The following TFDP1 variants were observed in gnomAD, a reference collection of about 807,000 sequenced individuals.
TFDP1 encodes DRTF1-polypeptide 1.
In TFDP1, 6 loss-of-function variants were observed where a neutral mutation model predicts 48.0. The ratio of observed to expected loss-of-function variants is 0.13; its 90% CI spans 0.07 to 0.25. The LOEUF (loss-of-function observed/expected upper bound fraction) is 0.25. Among genes scored for constraint, TFDP1 ranks in the 10% least tolerant of loss-of-function variants. The pLI is 1.00. For synonymous variants in TFDP1, 201 were observed against 211.6 expected, an observed-to-expected ratio of 0.95 and a Z score of 0.44; for missense variants, 335 against 543.0, an observed-to-expected ratio of 0.62 and a Z score of 3.81.
chr13:113,628,890 C>G (rs754375523), intron 4 of TFDP1, among the ~76,000 whole-genome samples: 1 of 152,112 alleles, frequency 6.6e-6, no homozygotes, highest in South Asian at 2.1e-4. Flanking sequence ...GAAGTGAGGC[C>G]GGGGGCCTGC....
At chr13:113,614,544 A>G (rs1413612301) in intron 3 of TFDP1, among the ~76,000 whole-genome samples, 1 of 152,220 alleles carries the variant, frequency 6.6e-6, no homozygotes, top group African/African-American at 2.4e-5. Context: ...GAGGAAGGAC[A>G]GGAGCTGTCC....
chr13:113,596,052 C>T (rs139396976), intron 2 of TFDP1, among the ~76,000 whole-genome samples: 2,554 of 152,118 alleles, frequency 0.017, 47 homozygotes, highest in Non-Finnish European at 0.026. Flanking sequence ...GCTGCACTCC[C>T]GCCTGGGCGA....
chr13:113,605,541 T>C (rs1208141949), intron 2 of TFDP1, among the ~76,000 whole-genome samples: 3 of 152,222 alleles, frequency 2.0e-5, no homozygotes, highest in Non-Finnish European at 4.4e-5. Context: ...TGGATTCTCA[T>C]GCAGTTGCAG....
At chr13:113,608,287 G>A (rs771695988) in intron 2 of TFDP1, among the ~76,000 whole-genome samples, 4 of 152,250 alleles carry the variant, frequency 2.6e-5, no homozygotes, top group Non-Finnish European at 5.9e-5. Context: ...CTTTTTAGCA[G>A]GCGCTCATGC....
intron 2 of TFDP1, among the ~76,000 whole-genome samples, chr13:113,606,571 C>T (rs1052623484): frequency 1.5e-4 from 23 of 152,080 alleles, no homozygotes; most frequent in African/African-American, 5.1e-4. Flanking sequence ...CATGTGAAGA[C>T]GCCGCACAGC....
rs1025317611 is a variant in TFDP1 at position 113,637,670 on chromosome 13, A to G, written c.1007-148A>G. On this transcript the variant is annotated intron_variant, in intron 10 of 11. Coordinates refer to ENST00000375370, the MANE Select transcript of TFDP1 (RefSeq NM_007111.5). ...AGCGGGATGTCCTGCTCCGTGGCGCAGTGTGGAAAATACTGGACAAGCGAA... is the reference window on the plus strand; with the variant it reads ...AGCGGGATGTCCTGCTCCGTGGCGCGGTGTGGAAAATACTGGACAAGCGAA... 3.9e-6 allele frequency: 6 copies of G among 1,546,980 alleles called. No homozygotes were observed. The African/African-American group carries it at 4.1e-5, about 11-fold the overall frequency.
At chr13:113,602,098 C>T (rs2048446723) in intron 2 of TFDP1, among the ~76,000 whole-genome samples, 1 of 151,342 alleles carries the variant, frequency 6.6e-6, no homozygotes, top group Non-Finnish European at 1.5e-5. Flanking sequence ...ATGGAGTTAC[C>T]CGCAGGAGTC....
At chr13:113,625,456 T>C (rs2049127805) in intron 4 of TFDP1, among the ~76,000 whole-genome samples, 1 of 104,592 alleles carries the variant, frequency 9.6e-6, no homozygotes, top group African/African-American at 4.9e-5. Flanking sequence ...CTCAGGTGTC[T>C]CTCACGTGTC....
At chr13:113,617,959 C>T (rs775282696) in intron 3 of TFDP1, among the ~76,000 whole-genome samples, 13 of 152,196 alleles carry the variant, frequency 8.5e-5, no homozygotes, top group Non-Finnish European at 1.8e-4. Flanking sequence ...CATATATATT[C>T]TTAACTAGTT....
At chr13:113,635,209 G>A (rs977838789) in intron 8 of TFDP1, among the ~76,000 whole-genome samples, 4 of 152,174 alleles carry the variant, frequency 2.6e-5, no homozygotes, top group African/African-American at 9.7e-5. Context: ...GTGTGGAGGG[G>A]GTTGTGTGCA....
intron 3 of TFDP1, among the ~76,000 whole-genome samples, chr13:113,622,796 T>C (rs947871387): frequency 6.6e-6 from 1 of 152,244 alleles, no homozygotes; most frequent in Non-Finnish European, 1.5e-5. Flanking sequence ...CAAACTAGTT[T>C]TGCAGCCTTA....
intron 3 of TFDP1, among the ~76,000 whole-genome samples, chr13:113,616,473 C>T (rs1433466020): frequency 6.6e-6 from 1 of 152,174 alleles, no homozygotes; most frequent in East Asian, 1.9e-4. Flanking sequence ...GCAGGCTCAC[C>T]GTCTGCGGCG....
In TFDP1 at chr13:113,607,523, C is replaced by T. The variant is rs950530314; in HGVS notation, c.13-3473C>T. 6.6e-6 allele frequency among the ~76,000 whole-genome samples: 1 copy of T among 152,240 alleles called. No individual in the cohort carries two copies. Among genetic ancestry groups the T allele is most frequent in the Non-Finnish European group, 1.5e-5 (1 of 68,038 alleles). On this transcript the variant is annotated intron_variant, in intron 2 of 11. Transcript: ENST00000375370. This position sits in a 1 kb window ranked among gnomAD's most constrained non-coding sequence, Gnocchi z 5.2. Reference sequence around the variant, plus strand: ...GTGTCAGCAGTGCGACACTGGCCCACGTGTCGTCCTTGTTCTCTCCTCATT... The same window carrying T: ...GTGTCAGCAGTGCGACACTGGCCCATGTGTCGTCCTTGTTCTCTCCTCATT...
chr13:113,636,760 G>A (rs994097186), intron 10 of TFDP1, 60 bp downstream of exon 10: 11 of 1,566,308 alleles, frequency 7.0e-6, no homozygotes, highest in South Asian at 2.3e-5. Flanking sequence ...AGCCTCCGAC[G>A]GTGCCCTCCC....
In TFDP1 at chr13:113,640,104, G is replaced by A. The variant is rs376428447; in HGVS notation, c.1086-16G>A. On this transcript the variant is annotated splice_polypyrimidine_tract_variant and intron_variant, in intron 11 of 11. Transcript: ENST00000375370. ...GCCGCCTGCACTGACGGCGCCATCC[G>A]CCTCCTGCCTTGCAGTGACCTGACC... is the stretch of plus-strand genomic sequence containing the variant. 1.3e-5 allele frequency: 20 copies of A among 1,574,616 alleles called. No homozygotes were observed. Among genetic ancestry groups the A allele is most frequent in the South Asian group, 8.2e-5 (7 of 85,380 alleles).
At chr13:113,634,924 T>C (rs1160560233) in intron 8 of TFDP1, among the ~76,000 whole-genome samples, 1 of 152,018 alleles carries the variant, frequency 6.6e-6, no homozygotes, top group Non-Finnish European at 1.5e-5. Context: ...TGTGTGTGTG[T>C]GCATGTGTGC....
intron 3 of TFDP1, among the ~76,000 whole-genome samples, chr13:113,616,705 T>TA (rs1009385803): frequency 2.0e-5 from 3 of 152,214 alleles, no homozygotes; most frequent in Non-Finnish European, 4.4e-5. Flanking sequence ...TAGTGTTGCT[T>TA]ACGTAATTCC....
chr13:113,605,890 A>T lies in TFDP1; in HGVS notation c.13-5106A>T, dbSNP rs142395019. ...CCTGTGGGAAGGCGGTGCGGTGATG[A>T]GTGTCCAAGGCGGCGCGGTGATGAG... On this transcript the variant is annotated intron_variant, in intron 2 of 11. Coordinates refer to ENST00000375370, the MANE Select transcript of TFDP1 (RefSeq NM_007111.5). Among the ~76,000 whole-genome samples the T allele has an allele frequency of 5.0e-3, 660 of 130,948 alleles. 2 individuals are homozygous for T. The highest frequency in any genetic ancestry group is 0.047 in the Middle Eastern group (10 of 214). 85.9% of individuals were successfully genotyped at this position (130,948 alleles called of 152,430 possible). A position where few individuals can be genotyped will look rare whatever the true frequency, so the allele number is the denominator to read the frequency against.
At position 113,585,890 on chromosome 13, in the gene TFDP1, C is replaced by T. The variant is rs867648075; in HGVS notation, c.12+41C>T. On this transcript the variant is annotated intron_variant, in intron 2 of 11. Transcript: ENST00000375370. Reference sequence around the variant, plus strand: ...TCATGCTGCACACGAATGTTTGCCTCGCACTAAATTCTTTGTAGTTCTCTG... The same window carrying T: ...TCATGCTGCACACGAATGTTTGCCTTGCACTAAATTCTTTGTAGTTCTCTG... The T allele has an allele frequency of 3.8e-6, 6 of 1,590,290 alleles. No individual in the cohort carries two copies. The East Asian group carries it at 6.8e-5, about 18-fold the overall frequency.
Sources: allele counts gnomAD v4.1 joint callset (sites outside exome capture counted in the v4.1 genomes callset), GRCh38; gene constraint gnomAD v4.1.1; non-coding constraint Gnocchi (gnomAD v3.1); transcripts MANE v1.5; gene names NCBI Gene and HGNC (gene_info 2026-07-23, HGNC 2026-07-21).